Variants in NPAS2 observed in about 807,000 individuals in gnomAD.
NPAS2 encodes neuronal PAS domain-containing protein 2.
A neutral mutation model predicts 107.5 loss-of-function variants in NPAS2; 23 were observed. That is an observed-to-expected ratio of 0.21 (90% CI 0.15 to 0.30). The LOEUF (loss-of-function observed/expected upper bound fraction) is 0.30. NPAS2 is among the 10% of genes least tolerant of loss of function. NPAS2 has a pLI of 1.00. For synonymous variants in NPAS2, 403 were observed against 417.5 expected, an observed-to-expected ratio of 0.97 and a Z score of 0.42; for missense variants, 756 against 1,043.3, an observed-to-expected ratio of 0.72 and a Z score of 3.79.
Position 100,995,804 on chromosome 2 carries a change from G to A in NPAS2, c.*222G>A, listed in dbSNP as rs1458658992. On this transcript the variant is annotated 3_prime_UTR_variant, in exon 21 of 21. Transcript: ENST00000335681. ...TTTCTCTTGCCTCCGAGGTTCTTGG[G>A]CACACTCTATAGCCATACTGGACAG... The A allele has an allele frequency of 6.5e-7, 1 of 1,544,976 alleles. No individual in the cohort carries two copies. The highest frequency in any genetic ancestry group is 8.7e-7 in the Non-Finnish European group (1 of 1,143,914).
chr2:100,975,215 G>A lies in NPAS2; in HGVS notation c.1283-243G>A, dbSNP rs187057202. On this transcript the variant is annotated intron_variant, in intron 13 of 20. Coordinates refer to ENST00000335681, the MANE Select transcript of NPAS2 (RefSeq NM_002518.4). Reference sequence around the variant, plus strand: ...CTGCTTTTAGTAATTCTGGGGAGGCGTCTGATCAGGCAGCTCATTGGACCA... The same window carrying A: ...CTGCTTTTAGTAATTCTGGGGAGGCATCTGATCAGGCAGCTCATTGGACCA... 7.5e-4 allele frequency: 429 copies of A among 573,620 alleles called. 1 individual carries two copies. The highest frequency in any genetic ancestry group is 5.9e-3 in the African/African-American group (313 of 52,944). The allele number at this position is 573,620 out of a possible 1,614,324, so 35.5% of individuals were successfully genotyped here.
chr2:100,990,620 G>T (rs1678055101), intron 18 of NPAS2, among the ~76,000 whole-genome samples, 160 bp from the exon 19 acceptor site: 1 of 152,198 alleles, frequency 6.6e-6, no homozygotes, highest in Admixed American at 6.5e-5. Context: ...TCCAGGGGAG[G>T]TTACCCGCTG....
chr2:100,973,152 C>T (rs1573761033), intron 12 of NPAS2, among the ~76,000 whole-genome samples: 1 of 151,904 alleles, frequency 6.6e-6, no homozygotes, highest in South Asian at 2.1e-4. Context: ...GCACTCCAGC[C>T]TGGGCAACAG....
intron 19 of NPAS2, among the ~76,000 whole-genome samples, chr2:100,992,152 G>A (rs934794043): frequency 3.3e-5 from 5 of 152,250 alleles, no homozygotes; most frequent in African/African-American, 4.8e-5. Context: ...AGTGGCTCAT[G>A]CCTGTAATCC....
chr2:100,975,328 G>A, intron 13 of NPAS2, 130 bp from the exon 14 acceptor site: 1 of 804,824 alleles, frequency 1.2e-6, no homozygotes, highest in South Asian at 1.8e-5. Flanking sequence ...AACCCTGCAT[G>A]GTGGACTTCC....
intron 1 of NPAS2, among the ~76,000 whole-genome samples, chr2:100,831,450 G>A (rs1028277695): frequency 6.6e-6 from 1 of 152,146 alleles, no homozygotes; most frequent in African/African-American, 2.4e-5. Context: ...CAAATACGAG[G>A]AAAACTTTAA....
At chr2:100,953,181 C>G (rs970003229) in intron 7 of NPAS2, among the ~76,000 whole-genome samples, 1 of 133,608 alleles carries the variant, frequency 7.5e-6, no homozygotes, top group Admixed American at 7.0e-5. Context: ...TTGAAACCAG[C>G]CTGGCCAACA....
chr2:100,910,233 T>C (rs1682454228), intron 2 of NPAS2, among the ~76,000 whole-genome samples: 1 of 152,210 alleles, frequency 6.6e-6, no homozygotes, highest in African/African-American at 2.4e-5. Flanking sequence ...GGTGACAAGT[T>C]CCTAACTATC....
intron 1 of NPAS2, among the ~76,000 whole-genome samples, chr2:100,858,483 T>G (rs1678722911): frequency 6.6e-6 from 1 of 152,200 alleles, no homozygotes; most frequent in Non-Finnish European, 1.5e-5. Flanking sequence ...ACTAAAGTTT[T>G]TGCTGTGAGG....
intron 7 of NPAS2, among the ~76,000 whole-genome samples, chr2:100,957,574 G>A (rs1321455168): frequency 6.6e-6 from 1 of 152,230 alleles, no homozygotes; most frequent in Non-Finnish European, 1.5e-5. Context: ...CCCAAGTCCT[G>A]TAGCCCCACC....
chr2:100,882,667 G>T (rs6733756), intron 1 of NPAS2, among the ~76,000 whole-genome samples: 200 of 152,324 alleles, frequency 1.3e-3, no homozygotes, highest in African/African-American at 4.7e-3. Flanking sequence ...ACTTTATAAA[G>T]ACTGATTTCC....
At chr2:100,942,802 C>T (rs1227317255) in intron 5 of NPAS2, among the ~76,000 whole-genome samples, 2 of 152,152 alleles carry the variant, frequency 1.3e-5, no homozygotes, top group Admixed American at 1.3e-4. Flanking sequence ...TCTTTAGTAT[C>T]GCCTTTTGTT....
intron 15 of NPAS2, among the ~76,000 whole-genome samples, chr2:100,980,098 CA>C (rs1364214203): frequency 6.6e-6 from 1 of 152,146 alleles, no homozygotes; most frequent in Non-Finnish European, 1.5e-5. Context: ...CTCTCTTTAT[CA>C]AAAACATCAC....
Position 100,988,110 on chromosome 2 carries a change from G to T in NPAS2, c.1661G>T (p.Ser554Ile). ...CTGCAGCAGCCAGCTGTATCCCTGAGCTTCAGCAGCACCCAGCGACCTGAG... is the reference window on the plus strand; with the variant it reads ...CTGCAGCAGCCAGCTGTATCCCTGATCTTCAGCAGCACCCAGCGACCTGAG... ...MFLQQPAVSLSFSSTQRPEAQ... is the reference protein window; with the variant it reads ...MFLQQPAVSLIFSSTQRPEAQ... The change falls in exon 17 of 21, where the codon AGC (serine) becomes ATC (isoleucine). Residue 554 changes from serine to isoleucine, a missense_variant. Coordinates refer to ENST00000335681, the MANE Select transcript of NPAS2 (RefSeq NM_002518.4). 6.2e-7 allele frequency: 1 copy of T among 1,614,190 alleles called. No individual in the cohort carries two copies. Among genetic ancestry groups the T allele is most frequent in the African/African-American group, 1.3e-5 (1 of 75,064 alleles).
At chr2:100,961,163 T>C (rs1456769999) in intron 7 of NPAS2, among the ~76,000 whole-genome samples, 1 of 152,150 alleles carries the variant, frequency 6.6e-6, no homozygotes, top group Non-Finnish European at 1.5e-5. Flanking sequence ...ACTAATTGAA[T>C]CCTTAATTAA....
intron 1 of NPAS2, among the ~76,000 whole-genome samples, chr2:100,843,006 G>A (rs911202939): frequency 3.9e-5 from 6 of 152,040 alleles, no homozygotes; most frequent in African/African-American, 1.4e-4. Flanking sequence ...AGATCATGAG[G>A]TCAAGAGATT....
At chr2:100,863,402 A>G (rs968989518) in intron 1 of NPAS2, among the ~76,000 whole-genome samples, 2 of 152,142 alleles carry the variant, frequency 1.3e-5, no homozygotes, top group African/African-American at 4.8e-5. Context: ...CTGAGTTGCT[A>G]TCTGTGTGTT....
At chr2:100,897,196 C>A (rs1435545463) in intron 1 of NPAS2, among the ~76,000 whole-genome samples, 1 of 152,158 alleles carries the variant, frequency 6.6e-6, no homozygotes, top group African/African-American at 2.4e-5. Context: ...CCTGGTCCCT[C>A]CCAGGACACA....
At chr2:100,901,056 A>G (rs561533356) in intron 1 of NPAS2, among the ~76,000 whole-genome samples, 13 of 152,174 alleles carry the variant, frequency 8.5e-5, no homozygotes, top group Non-Finnish European at 1.9e-4. Flanking sequence ...TGTTCCTTCT[A>G]CATTTATTAA....
Sources: allele counts gnomAD v4.1 joint callset (sites outside exome capture counted in the v4.1 genomes callset), GRCh38; gene constraint gnomAD v4.1.1; transcripts MANE v1.5; gene names NCBI Gene and HGNC (gene_info 2026-07-23, HGNC 2026-07-21).